Variants in FRMPD4 observed in about 807,000 individuals in gnomAD.
FRMPD4 encodes the protein FERM and PDZ domain-containing protein 4.
In FRMPD4, 22 loss-of-function variants were observed where a neutral mutation model predicts 94.1. The ratio of observed to expected loss-of-function variants is 0.23; its 90% CI spans 0.17 to 0.33. The LOEUF is 0.33. Ranked by LOEUF, FRMPD4 falls within the 10% of genes least tolerant of loss-of-function variation. FRMPD4 has a pLI of 1.00. For missense variants in FRMPD4, 1,111 were observed against 1,339.9 expected, an observed-to-expected ratio of 0.83 and a Z score of 2.67; for synonymous variants, 631 against 548.6, an observed-to-expected ratio of 1.15 and a Z score of -2.10.
chrX:11,926,712 A>G (rs969476044), intron 3 of FRMPD4, among the ~76,000 whole-genome samples: 4 of 111,850 alleles, frequency 3.6e-5, no homozygotes, highest in African/African-American at 1.3e-4. Flanking sequence ...ACACCCCTTC[A>G]TGTCAAAAAC....
intron 2 of FRMPD4, among the ~76,000 whole-genome samples, chrX:11,872,606 C>G (rs995080342): frequency 8.9e-6 from 1 of 111,960 alleles, no homozygotes; most frequent in Non-Finnish European, 1.9e-5. Flanking sequence ...AAAAGTAGAG[C>G]CAACACTTCC....
At chrX:12,590,534 G>A (rs1459511289) in intron 2 of FRMPD4, among the ~76,000 whole-genome samples, 1 of 111,928 alleles carries the variant, frequency 8.9e-6, no homozygotes, top group Non-Finnish European at 1.9e-5. Context: ...TCAAGGCAGG[G>A]AATAGCATCT....
intron 1 of FRMPD4, among the ~76,000 whole-genome samples, chrX:12,432,381 A>C (rs2057019741): frequency 8.9e-6 from 1 of 112,684 alleles, no homozygotes; most frequent in South Asian, 3.7e-4. Context: ...ATCACTGCAC[A>C]GTTTCTGCAG....
At chrX:11,862,968 T>TG (rs2053696292) in intron 1 of FRMPD4, among the ~76,000 whole-genome samples, 1 of 92,648 alleles carries the variant, frequency 1.1e-5, no homozygotes, top group African/African-American at 4.6e-5. Context: ...TGGTTTTTTT[T>TG]TTTTTTTTTT....
At chrX:12,165,527 A>G (rs1409536073) in intron 1 of FRMPD4, among the ~76,000 whole-genome samples, 1 of 111,904 alleles carries the variant, frequency 8.9e-6, no homozygotes, top group Non-Finnish European at 1.9e-5. Flanking sequence ...TGACTTGGCA[A>G]TGTAGGCTCT....
At chrX:12,101,190 A>G (rs2055252723) in intron 3 of FRMPD4, among the ~76,000 whole-genome samples, 1 of 110,625 alleles carries the variant, frequency 9.0e-6, no homozygotes, top group South Asian at 3.9e-4. Flanking sequence ...GTTGCCATTC[A>G]GTTCTTGGGT....
At chrX:12,495,042 A>C in intron 1 of FRMPD4, 1 of 719,669 alleles carries the variant, frequency 1.4e-6, no homozygotes, top group Non-Finnish European at 1.6e-6. Context: ...GACACTGTGC[A>C]CCCAGGATCA....
intron 1 of FRMPD4, among the ~76,000 whole-genome samples, chrX:12,373,680 C>T (rs750848706): frequency 4.5e-5 from 5 of 112,142 alleles, no homozygotes; most frequent in African/African-American, 6.5e-5. Context: ...CCAAACTGTG[C>T]GGTCTCCTGC....
chrX:12,122,668 G>C (rs1006761605), intron 3 of FRMPD4, among the ~76,000 whole-genome samples: 2 of 109,486 alleles, frequency 1.8e-5, no homozygotes, highest in Non-Finnish European at 3.8e-5. Flanking sequence ...TATTGCCAAG[G>C]GCTGAGCTCA....
intron 3 of FRMPD4, among the ~76,000 whole-genome samples, chrX:12,031,628 G>A (rs1601893880): frequency 8.9e-6 from 1 of 111,743 alleles, no homozygotes; most frequent in East Asian, 2.8e-4. Context: ...CATCTAGTGG[G>A]TGGAGGCCAG....
At chrX:12,031,855 G>A in intron 3 of FRMPD4, among the ~76,000 whole-genome samples, 1 of 112,013 alleles carries the variant, frequency 8.9e-6, no homozygotes, top group Non-Finnish European at 1.9e-5. Context: ...TCTTCCATCA[G>A]GGCAAGGGAT....
intron 1 of FRMPD4, among the ~76,000 whole-genome samples, chrX:12,249,938 A>C (rs769519519): frequency 9.0e-6 from 1 of 111,163 alleles, no homozygotes; most frequent in Non-Finnish European, 1.9e-5. Flanking sequence ...ACTTTGTAGG[A>C]CTTACTTTAG....
At chrX:12,616,110 T>C (rs1434939782) in intron 4 of FRMPD4, among the ~76,000 whole-genome samples, 2 of 111,524 alleles carry the variant, frequency 1.8e-5, no homozygotes, top group Non-Finnish European at 3.8e-5. Flanking sequence ...ATGGTCTGAA[T>C]GTTAGTGCCC....
chrX:12,011,231 T>C (rs1261459440), intron 3 of FRMPD4, among the ~76,000 whole-genome samples: 6 of 111,913 alleles, frequency 5.4e-5, no homozygotes, highest in Non-Finnish European at 1.1e-4. Context: ...GGGTGGTTTG[T>C]TTACCTTCAT....
chrX:12,198,240 A>T (rs778877838), intron 1 of FRMPD4, among the ~76,000 whole-genome samples: 1 of 111,766 alleles, frequency 8.9e-6, no homozygotes, highest in Non-Finnish European at 1.9e-5. Flanking sequence ...ATCTTGATTC[A>T]CTGTTTTTAA....
chrX:12,285,806 A>G (rs778708524), intron 1 of FRMPD4, among the ~76,000 whole-genome samples: 1 of 112,337 alleles, frequency 8.9e-6, no homozygotes, highest in Admixed American at 9.4e-5. Flanking sequence ...TGCCGGGTGT[A>G]TCTGAGGATT....
intron 3 of FRMPD4, among the ~76,000 whole-genome samples, chrX:11,949,908 T>A (rs1463036209): frequency 8.9e-6 from 1 of 112,284 alleles, no homozygotes; most frequent in African/African-American, 3.2e-5. Flanking sequence ...TAAAATTGTA[T>A]ATGTTAAAGG....
chrX:11,972,622 T>A (rs1010287112), intron 3 of FRMPD4, among the ~76,000 whole-genome samples: 4 of 112,308 alleles, frequency 3.6e-5, no homozygotes, highest in African/African-American at 1.3e-4. Flanking sequence ...TCCTAGGACA[T>A]CAGGCACATT....
chrX:12,710,800 G>A (rs2041971819), intron 14 of FRMPD4, among the ~76,000 whole-genome samples: 1 of 110,703 alleles, frequency 9.0e-6, no homozygotes, highest in Admixed American at 9.6e-5. Flanking sequence ...CAGCTATTCG[G>A]GAGGCTGAGG....
Sources: gnomAD v4.1 joint callset for allele counts (sites outside exome capture counted in the v4.1 genomes callset) on GRCh38, gnomAD v4.1.1 for gene constraint, MANE v1.5 for transcripts, NCBI Gene and HGNC (gene_info 2026-07-23, HGNC 2026-07-21) for gene names.